The following DYNC2H1 variants were observed in gnomAD, a reference collection of about 807,000 sequenced individuals.
DYNC2H1 encodes dynein cytoplasmic 2 heavy chain 1, also known as cytoplasmic dynein 2 heavy chain 1.
Under a neutral mutation model 570.0 loss-of-function variants are expected in DYNC2H1, and 410 were observed. That is an observed-to-expected ratio of 0.72 (90% CI 0.66 to 0.78). The LOEUF is 0.78. DYNC2H1 is among the 30% of genes least tolerant of loss of function. The pLI is 0.00. For missense variants in DYNC2H1, 4,865 were observed against 5,046.4 expected, an observed-to-expected ratio of 0.96 and a Z score of 1.09; for synonymous variants, 1,688 against 1,677.6, an observed-to-expected ratio of 1.01 and a Z score of -0.15.
chr11:103,188,459 A>G (rs1380409424), intron 43 of DYNC2H1, 38 bp from the exon 44 acceptor site: 4 of 1,440,482 alleles, frequency 2.8e-6, no homozygotes, highest in Non-Finnish European at 3.8e-6. Context: ...AGGAAATCTT[A>G]GATAAAAAAC....
Position 103,413,725 on chromosome 11 carries a change from T to C in DYNC2H1, c.12366+13853T>C, listed in dbSNP as rs192017283. ...TCTGCCTACTCCCTCATCTATAGCT[T>C]TACTTAGCAACATTTTATTATATGT... On this transcript the variant is annotated intron_variant, in intron 84 of 88. Transcript: ENST00000375735. Among the ~76,000 whole-genome samples, 834 of 152,294 alleles carry C rather than the reference T, an allele frequency of 5.5e-3. 9 individuals are homozygous for C. The highest frequency in any genetic ancestry group is 8.7e-3 in the Non-Finnish European group (589 of 68,028).
At position 103,203,806 on chromosome 11, in the gene DYNC2H1, C is replaced by G. The variant is rs370021043; in HGVS notation, c.8311+30C>G. 2.3e-4 allele frequency: 332 copies of G among 1,443,940 alleles called. 3 individuals are homozygous for G. Among genetic ancestry groups the G allele is most frequent in the Middle Eastern group, 8.9e-4 (5 of 5,630 alleles). 89.4% of individuals were successfully genotyped at this position (1,443,940 alleles called of 1,614,324 possible). On this transcript the variant is annotated intron_variant, in intron 51 of 88. Transcript: ENST00000375735. This position sits in a 1 kb window ranked among gnomAD's most constrained non-coding sequence, Gnocchi z 4.7. ...GTGACATAGAATTCATTAATCAAAT[C>G]AAACTGGTTTGTATGAAATATATAT...
chr11:103,146,947 A>C (rs1199340567), intron 18 of DYNC2H1, among the ~76,000 whole-genome samples: 1 of 152,120 alleles, frequency 6.6e-6, no homozygotes, highest in Non-Finnish European at 1.5e-5. Context: ...TTTCCATGTT[A>C]TCATCTGCAC....
Position 103,187,574 on chromosome 11 carries a change from A to G in DYNC2H1, c.7128A>G (p.Ala2376=), listed in dbSNP as rs371410128. The G allele has an allele frequency of 3.0e-4, 481 of 1,612,906 alleles. 4 individuals are homozygous for G. In the African/African-American group the frequency reaches 5.9e-3, roughly 20 times the overall value. The change falls in exon 43 of 89, where the codon GCA becomes GCG. Residue 2376 remains alanine, a synonymous_variant. Transcript: ENST00000375735. ...LDKWGTSTLV[A]FLQQVLTYQG... ...AATGGGGGACCAGTACTTTGGTAGC[A>G]TTCCTACAACAGGTAAGTCATATTG...
chr11:103,136,456 A>G (rs189412414), intron 17 of DYNC2H1, among the ~76,000 whole-genome samples: 135 of 148,398 alleles, frequency 9.1e-4, no homozygotes, highest in Admixed American at 2.1e-3. Flanking sequence ...ATTCCCACCT[A>G]TGAGTGAGAA....
intron 84 of DYNC2H1, among the ~76,000 whole-genome samples, chr11:103,401,250 G>C (rs1226040443): frequency 1.3e-5 from 2 of 152,144 alleles, no homozygotes; most frequent in African/African-American, 2.4e-5. Context: ...CATAATAAAT[G>C]TAAATGCTTC....
rs185798988 is a variant in DYNC2H1 at position 103,344,118 on chromosome 11, C to G, written c.12040-14125C>G. Among the ~76,000 whole-genome samples the G allele has an allele frequency of 5.9e-5, 9 of 152,224 alleles. 1 individual carries two copies. The East Asian group carries it at 1.5e-3, about 26-fold the overall frequency. On this transcript the variant is annotated intron_variant, in intron 82 of 88. Transcript: ENST00000375735. ...TTGACTTTGGTGCATCTTGTCAGTA[C>G]CCTATGTGACTCAGAAAAATGTTTT...
chr11:103,177,796 C>T lies in DYNC2H1; in HGVS notation c.6115C>T (p.Arg2039Cys), dbSNP rs779111999. ...TGATGGTGTTTTGACAAATAGTGCT[C>T]GTCAAGTGGTTCGGGAACCTCAAGG... ...WSDGVLTNSA[R>C]QVVREPQDVS... Residue 2039 changes from arginine to cysteine, a missense_variant, in exon 38 of 89, where the codon CGT becomes TGT. Around this residue, in one of 5 missense-constraint regions of DYNC2H1, gnomAD observed 231 missense variants for 310.3 expected, o/e 0.74. Coordinates refer to ENST00000375735, the MANE Select transcript of DYNC2H1 (RefSeq NM_001377.3). The surrounding 1 kb of genome is among the most constrained non-coding windows in gnomAD (Gnocchi z 4.4). 44 of 1,611,424 alleles carry T rather than the reference C, an allele frequency of 2.7e-5. No individual in the cohort carries two copies. Among genetic ancestry groups the T allele is most frequent in the Non-Finnish European group, 3.3e-5 (39 of 1,179,132 alleles).
intron 17 of DYNC2H1, among the ~76,000 whole-genome samples, chr11:103,140,438 C>G (rs959746352): frequency 1.3e-5 from 2 of 152,032 alleles, no homozygotes; most frequent in Admixed American, 1.3e-4. Flanking sequence ...ATTTGCTTGT[C>G]TGTAAAGTAT....
chr11:103,178,281 A>G (rs1408717150), intron 38 of DYNC2H1, among the ~76,000 whole-genome samples: 1 of 152,096 alleles, frequency 6.6e-6, no homozygotes, highest in Admixed American at 6.6e-5. Context: ...TGGTTTTTTA[A>G]GAGAATTTTT....
intron 59 of DYNC2H1, among the ~76,000 whole-genome samples, chr11:103,224,664 G>T (rs955225831): frequency 2.6e-5 from 4 of 152,142 alleles, no homozygotes. Flanking sequence ...ATGGGCATTG[G>T]GTTGGTTCCA....
At chr11:103,143,670 T>C (rs1052011479) in intron 18 of DYNC2H1, among the ~76,000 whole-genome samples, 5 of 152,166 alleles carry the variant, frequency 3.3e-5, no homozygotes, top group Non-Finnish European at 5.9e-5. Flanking sequence ...TTGATATGCA[T>C]TGGCACAATC....
At chr11:103,214,592 T>C in intron 54 of DYNC2H1, among the ~76,000 whole-genome samples, 1 of 151,548 alleles carries the variant, frequency 6.6e-6, no homozygotes, top group East Asian at 1.9e-4. Flanking sequence ...TACAGGCAGG[T>C]GCCACCATGC....
chr11:103,224,530 T>C (rs1460231342), intron 59 of DYNC2H1, among the ~76,000 whole-genome samples: 2 of 152,234 alleles, frequency 1.3e-5, no homozygotes. Context: ...ATACTTTACT[T>C]AGAATATTAG....
Position 103,117,789 on chromosome 11 carries a change from T to C in DYNC2H1, c.925T>C (p.Tyr309His), listed in dbSNP as rs758732447. Residue 309 changes from tyrosine to histidine, a missense_variant, in exon 6 of 89, where the codon TAT (tyrosine) becomes CAT (histidine). Coordinates refer to ENST00000375735, the MANE Select transcript of DYNC2H1 (RefSeq NM_001377.3). ...TCTAACAGGTCAGGTGTGGCAGCGC[T>C]ATGTTCCTCATCCATGGAAAAATGA... is the stretch of plus-strand genomic sequence containing the variant. The part of the protein sequence containing the change: ...NHLTGQVWQR[Y>H]VPHPWKNEKY... 7 of 1,613,200 alleles carry C rather than the reference T, an allele frequency of 4.3e-6. No individual in the cohort carries two copies. The highest frequency in any genetic ancestry group is 1.3e-5 in the African/African-American group (1 of 74,928).
chr11:103,116,720 A>C lies in DYNC2H1; in HGVS notation c.766+6A>C, dbSNP rs1858418795. The C allele has an allele frequency of 6.3e-7, 1 of 1,574,836 alleles. No homozygotes were observed. Among genetic ancestry groups the C allele is most frequent in the Non-Finnish European group, 8.6e-7 (1 of 1,163,306 alleles). Reference sequence around the variant, plus strand: ...GCATCTCTTAGACATCATAGGTACTAGTAAAAAAATGAACTTTTGGAATTT... The same window carrying C: ...GCATCTCTTAGACATCATAGGTACTCGTAAAAAAATGAACTTTTGGAATTT... On this transcript the variant is annotated splice_donor_region_variant and intron_variant, in intron 5 of 88. Coordinates refer to ENST00000375735, the MANE Select transcript of DYNC2H1 (RefSeq NM_001377.3).
chr11:103,376,416 T>C (rs1224484234), intron 83 of DYNC2H1, among the ~76,000 whole-genome samples: 2 of 152,236 alleles, frequency 1.3e-5, no homozygotes, highest in African/African-American at 4.8e-5. Context: ...CTGGTTTGGT[T>C]GTTTCAACAG....
At chr11:103,314,610 T>G (rs1247395824) in intron 79 of DYNC2H1, among the ~76,000 whole-genome samples, 1 of 152,030 alleles carries the variant, frequency 6.6e-6, no homozygotes, top group Non-Finnish European at 1.5e-5. Flanking sequence ...ATTACCAAAT[T>G]GTTATCCATA....
At chr11:103,183,367 T>C (rs1591372570) in intron 40 of DYNC2H1, among the ~76,000 whole-genome samples, 1 of 151,964 alleles carries the variant, frequency 6.6e-6, no homozygotes, top group East Asian at 1.9e-4. Context: ...TATGTATATA[T>C]AGGGGTTTAT....
Sources: gnomAD v4.1 joint callset for allele counts (sites outside exome capture counted in the v4.1 genomes callset) on GRCh38, gnomAD v4.1.1 for gene constraint, gnomAD v4.1.1 regional missense constraint, Gnocchi (gnomAD v3.1) non-coding constraint, MANE v1.5 for transcripts, NCBI Gene and HGNC (gene_info 2026-07-23, HGNC 2026-07-21) for gene names.